The following SLC5A10 variants were observed in gnomAD, a reference collection of about 807,000 sequenced individuals.
SLC5A10 encodes sodium/mannose cotransporter SLC5A10.
In SLC5A10, 55 loss-of-function variants were observed where a neutral mutation model predicts 68.9. The ratio of observed to expected loss-of-function variants is 0.80; its 90% CI spans 0.64 to 1.00. SLC5A10 has a LOEUF of 1.00. SLC5A10 is among the 50% of genes least tolerant of loss of function. SLC5A10 has a pLI of 0.00. For missense variants in SLC5A10, 732 were observed against 819.3 expected (o/e 0.89, Z 1.30); for synonymous variants, 344 against 344.8 (o/e 1.00, Z 0.02).
intron 9 of SLC5A10, among the ~76,000 whole-genome samples, chr17:19,011,705 G>A (rs1461770999): frequency 2.0e-5 from 3 of 151,924 alleles, no homozygotes; most frequent in Non-Finnish European, 4.4e-5. Flanking sequence ...CCTGGGGGAT[G>A]ACAGGAACCT....
intron 9 of SLC5A10, chr17:18,978,358 G>C (rs367881814): frequency 1.9e-6 from 3 of 1,598,780 alleles, no homozygotes; most frequent in African/African-American, 2.7e-5. Flanking sequence ...GGGGGTTCCA[G>C]ATGTTGGGGT....
intron 9 of SLC5A10, among the ~76,000 whole-genome samples, chr17:18,997,914 T>C (rs995233790): frequency 6.6e-6 from 1 of 152,212 alleles, no homozygotes; most frequent in African/African-American, 2.4e-5. Flanking sequence ...ACTGACTTTA[T>C]GAGGCAGGTG....
At chr17:18,977,342 G>A (rs1475789709) in intron 9 of SLC5A10, 9 of 585,376 alleles carry the variant, frequency 1.5e-5, no homozygotes, top group Non-Finnish European at 2.4e-5. Flanking sequence ...GGGGAAACGT[G>A]CATTTTCTTA....
rs1324177805 is a variant in SLC5A10 at position 18,969,596 on chromosome 17, T to G, written c.640+174T>G. 9 of 594,730 alleles carry G rather than the reference T, an allele frequency of 1.5e-5. No individual in the cohort carries two copies. In the East Asian group the frequency reaches 2.6e-4, roughly 17 times the overall value. 36.8% of individuals were successfully genotyped at this position (594,730 alleles called of 1,614,324 possible). A position where few individuals can be genotyped will look rare whatever the true frequency, so the allele number is the denominator to read the frequency against. ...GGCAGTCAGCCCCCCTGCTGGCCCC[T>G]CAGGGACTGCCCTGGCTGGTAGAGG... On this transcript the variant is annotated intron_variant, in intron 7 of 14. Transcript: ENST00000395645.
intron 9 of SLC5A10, among the ~76,000 whole-genome samples, chr17:19,011,723 G>A (rs188217414): frequency 2.6e-5 from 4 of 151,978 alleles, no homozygotes; most frequent in East Asian, 1.9e-4. Flanking sequence ...CCTGGCGTCC[G>A]GGAAGCCTGG....
At chr17:18,983,172 C>T (rs1000723558) in intron 9 of SLC5A10, among the ~76,000 whole-genome samples, 1 of 152,236 alleles carries the variant, frequency 6.6e-6, no homozygotes, top group Admixed American at 6.5e-5. Context: ...CCCAGTAGCC[C>T]TGGGCTGGGC....
rs771789578 is a variant in SLC5A10 at position 18,971,482 on chromosome 17, G to A, written c.846+264G>A. ...GAGACAGTTTGGAGTATGGGATTCC[G>A]AAGGGACTCGGATGCTCCTCGGTGG... On this transcript the variant is annotated intron_variant, in intron 8 of 14. Coordinates refer to ENST00000395645, the MANE Select transcript of SLC5A10 (RefSeq NM_001042450.4). The surrounding 1 kb of genome is among the most constrained non-coding windows in gnomAD (Gnocchi z 5.5). 19 of 1,613,916 alleles carry A rather than the reference G, an allele frequency of 1.2e-5. No individual in the cohort carries two copies. Among genetic ancestry groups the A allele is most frequent in the East Asian group, 4.5e-5 (2 of 44,896 alleles).
intron 11 of SLC5A10, among the ~76,000 whole-genome samples, chr17:19,016,653 G>A (rs1341980731): frequency 6.6e-6 from 1 of 152,122 alleles, no homozygotes; most frequent in African/African-American, 2.4e-5. Context: ...GCTCATCCAC[G>A]GGCTCACAGG....
chr17:18,962,396 C>T (rs1408438847), intron 5 of SLC5A10, among the ~76,000 whole-genome samples: 1 of 152,056 alleles, frequency 6.6e-6, no homozygotes, highest in African/African-American at 2.4e-5. Flanking sequence ...CTCTAGGAGT[C>T]ACTAAGTCAG....
intron 9 of SLC5A10, 80 bp from the exon 10 acceptor site, chr17:19,013,330 T>C (rs1015083578): frequency 6.3e-7 from 1 of 1,582,604 alleles, no homozygotes. Flanking sequence ...TGGGCCAGGC[T>C]CCTGCCCCCA....
At chr17:18,991,832 T>G (rs2043433851) in intron 9 of SLC5A10, among the ~76,000 whole-genome samples, 1 of 152,234 alleles carries the variant, frequency 6.6e-6, no homozygotes, top group Admixed American at 6.5e-5. Context: ...GACAGGCCTC[T>G]GCTGGGCGGC....
At position 19,004,224 on chromosome 17, in the gene SLC5A10, A is replaced by T. The variant is rs924164319; in HGVS notation, c.983-9186A>T. ...GGCGGGGAGGGCGGGCCGCGCGGGG[A>T]GGGGCGGCGGGGGCGGGGCCGGGAA... is the stretch of plus-strand genomic sequence containing the variant. On this transcript the variant is annotated intron_variant, in intron 9 of 14. Coordinates refer to ENST00000395645, the MANE Select transcript of SLC5A10 (RefSeq NM_001042450.4). The surrounding 1 kb of genome is among the most constrained non-coding windows in gnomAD (Gnocchi z 5.4). 55 of 92,084 alleles carry T rather than the reference A, an allele frequency of 6.0e-4. No homozygotes were observed. Among genetic ancestry groups the T allele is most frequent in the East Asian group, 1.0e-3 (3 of 2,926 alleles). The allele number at this position is 92,084 out of a possible 1,614,324, so 5.7% of individuals were successfully genotyped here. A position where few individuals can be genotyped will look rare whatever the true frequency, so the allele number is the denominator to read the frequency against.
In SLC5A10 at chr17:18,988,381, C is replaced by T. The variant is rs760451513; in HGVS notation, c.982+11392C>T. The T allele has an allele frequency of 1.6e-5, 26 of 1,614,072 alleles. No homozygotes were observed. Among genetic ancestry groups the T allele is most frequent in the African/African-American group, 4.0e-5 (3 of 74,954 alleles). On this transcript the variant is annotated intron_variant, in intron 9 of 14. Transcript: ENST00000395645. ...TCCAGCAGGTCCTTGAAGATGTCCA[C>T]GTCGGTGAACATGTCCATGACCACA... is the stretch of plus-strand genomic sequence containing the variant.
intron 9 of SLC5A10, among the ~76,000 whole-genome samples, chr17:18,987,416 G>A (rs1287603509): frequency 6.6e-6 from 1 of 152,218 alleles, no homozygotes; most frequent in African/African-American, 2.4e-5. Flanking sequence ...AGTATTCGCC[G>A]TCATCACGCA....
intron 5 of SLC5A10, among the ~76,000 whole-genome samples, chr17:18,961,533 A>G (rs2151994448): frequency 6.6e-6 from 1 of 152,306 alleles, no homozygotes; most frequent in Middle Eastern, 3.4e-3. Context: ...GTCTGCGGGA[A>G]GTGCTCTGTG....
chr17:18,957,894 C>T (rs760449070), intron 1 of SLC5A10, among the ~76,000 whole-genome samples: 24 of 152,236 alleles, frequency 1.6e-4, no homozygotes, highest in Non-Finnish European at 2.1e-4. Flanking sequence ...TTCTTCCTGC[C>T]TCCCAGCCCC....
Position 18,971,297 on chromosome 17 carries a change from C to T in SLC5A10, c.846+79C>T. On this transcript the variant is annotated intron_variant, in intron 8 of 14. Transcript: ENST00000395645. This position sits in a 1 kb window ranked among gnomAD's most constrained non-coding sequence, Gnocchi z 5.5. ...TGGTAGGCCCAGGCGGCCTGTCTGC[C>T]CTCCGCGTCATGAGTCTGGGCTGGG... 6.2e-7 allele frequency: 1 copy of T among 1,608,880 alleles called. No homozygotes were observed. Among genetic ancestry groups the T allele is most frequent in the Non-Finnish European group, 8.5e-7 (1 of 1,176,622 alleles).
intron 9 of SLC5A10, among the ~76,000 whole-genome samples, chr17:19,009,448 T>C (rs1360138605): frequency 6.6e-6 from 1 of 152,180 alleles, no homozygotes; most frequent in African/African-American, 2.4e-5. Flanking sequence ...CTTGAACTCC[T>C]GGCCTCAAAC....
At chr17:18,998,075 C>A (rs1309663799) in intron 9 of SLC5A10, among the ~76,000 whole-genome samples, 2 of 152,232 alleles carry the variant, frequency 1.3e-5, no homozygotes, top group African/African-American at 2.4e-5. Context: ...TCCCACCACC[C>A]CACATGGCAT....
Sources: allele counts gnomAD v4.1 joint callset (sites outside exome capture counted in the v4.1 genomes callset), GRCh38; gene constraint gnomAD v4.1.1; non-coding constraint Gnocchi (gnomAD v3.1); transcripts MANE v1.5; gene names NCBI Gene and HGNC (gene_info 2026-07-23, HGNC 2026-07-21).